Variants in RTN1 observed in about 807,000 individuals in gnomAD.
The protein encoded by RTN1 is reticulon-1.
A neutral mutation model predicts 65.5 loss-of-function variants in RTN1; 25 were observed. That is an observed-to-expected ratio of 0.38 (90% confidence interval 0.28 to 0.53). The LOEUF (loss-of-function observed/expected upper bound fraction) is 0.53. Among genes scored for constraint, RTN1 ranks in the 20% least tolerant of loss-of-function variants. RTN1 has a pLI of 0.79. For missense variants in RTN1, 983 were observed against 1,025.4 expected (o/e 0.96, Z 0.57); for synonymous variants, 471 against 447.6 (o/e 1.05, Z -0.66).
At chr14:59,726,733 G>T (rs1353830112) in intron 3 of RTN1, among the ~76,000 whole-genome samples, 186 bp downstream of exon 3, 2 of 152,088 alleles carry the variant, frequency 1.3e-5, no homozygotes, top group African/African-American at 4.8e-5. Flanking sequence ...TTCTGCCACC[G>T]ACTTCTGTCC....
rs182789157 is a variant in RTN1 at position 59,620,914 on chromosome 14, A to T, written c.1766-13422T>A. ...GGGGTTCAGGCTGGGAATGACGGACAGTCTAGATGGCTGGTGACTGATAGG... is the reference window on the plus strand; with the variant it reads ...GGGGTTCAGGCTGGGAATGACGGACTGTCTAGATGGCTGGTGACTGATAGG... On this transcript the variant is annotated intron_variant, in intron 3 of 8. Transcript: ENST00000267484. Among the ~76,000 whole-genome samples, 50 of 152,336 alleles carry T rather than the reference A, an allele frequency of 3.3e-4. No individual in the cohort carries two copies. In the East Asian group the frequency reaches 7.3e-3, roughly 22 times the overall value.
At chr14:59,859,320 G>A (rs1037156450) in intron 1 of RTN1, among the ~76,000 whole-genome samples, 1 of 152,150 alleles carries the variant, frequency 6.6e-6, no homozygotes, top group African/African-American at 2.4e-5. Flanking sequence ...TTTTATAAAA[G>A]GGAGTTTCCC....
At chr14:59,656,737 A>T (rs1239666276) in intron 3 of RTN1, among the ~76,000 whole-genome samples, 2 of 152,242 alleles carry the variant, frequency 1.3e-5, no homozygotes, top group African/African-American at 4.8e-5. Context: ...TGTCCTATAC[A>T]TCTCTCAGAA....
rs1317899581 is a variant in RTN1, at chr14:59,803,847, T to C, written c.242-57366A>G. Among the ~76,000 whole-genome samples, 2 of 152,184 alleles carry C rather than the reference T, an allele frequency of 1.3e-5. No homozygotes were observed. Among genetic ancestry groups the C allele is most frequent in the Non-Finnish European group, 1.5e-5 (1 of 68,026 alleles). On this transcript the variant is annotated intron_variant, in intron 1 of 8. Transcript: ENST00000267484. The surrounding 1 kb of genome is among the most constrained non-coding windows in gnomAD (Gnocchi z 5.6). Reference sequence around the variant, plus strand: ...TGAGGCCACAGTATCCTATACTTAATTGTCTAAATGTGATTTAGGGTTTTA... The same window carrying C: ...TGAGGCCACAGTATCCTATACTTAACTGTCTAAATGTGATTTAGGGTTTTA...
chr14:59,719,116 G>C (rs895414586), intron 3 of RTN1, among the ~76,000 whole-genome samples: 1 of 152,156 alleles, frequency 6.6e-6, no homozygotes, highest in African/African-American at 2.4e-5. Flanking sequence ...TCACTTTCTA[G>C]TTTAAAAATC....
rs1886617417 is a variant in RTN1, at chr14:59,805,316, C to T, written c.242-58835G>A. Among the ~76,000 whole-genome samples, 5 of 152,166 alleles carry T rather than the reference C, an allele frequency of 3.3e-5. No homozygotes were observed. In the South Asian group the frequency reaches 1.0e-3, roughly 31 times the overall value. On this transcript the variant is annotated intron_variant, in intron 1 of 8. Coordinates refer to ENST00000267484, the MANE Select transcript of RTN1 (RefSeq NM_021136.3). Reference sequence around the variant, plus strand: ...AGAATGTGAACTCCATAATAGGGACCTTTCCTTCTTCACTGCTCTACCATT... The same window carrying T: ...AGAATGTGAACTCCATAATAGGGACTTTTCCTTCTTCACTGCTCTACCATT...
At chr14:59,612,875 C>T (rs1414968950) in intron 3 of RTN1, among the ~76,000 whole-genome samples, 5 of 152,234 alleles carry the variant, frequency 3.3e-5, no homozygotes, top group African/African-American at 1.2e-4. Flanking sequence ...CTCTAGGCCC[C>T]TTCTGGGAAA....
At chr14:59,647,484 C>A (rs1383934022) in intron 3 of RTN1, among the ~76,000 whole-genome samples, 1 of 152,204 alleles carries the variant, frequency 6.6e-6, no homozygotes, top group Non-Finnish European at 1.5e-5. Flanking sequence ...CACCCCAAAA[C>A]AACAGACTAT....
At chr14:59,638,825 AG>A (rs1362231626) in intron 3 of RTN1, among the ~76,000 whole-genome samples, 2 of 152,340 alleles carry the variant, frequency 1.3e-5, no homozygotes, top group East Asian at 3.9e-4. Flanking sequence ...ATCAGCAATG[AG>A]GCTGTTTTGC....
chr14:59,746,593 A>G (rs1885232793), intron 1 of RTN1, 112 bp from the exon 2 acceptor site: 1 of 910,820 alleles, frequency 1.1e-6, no homozygotes, highest in Non-Finnish European at 1.6e-6. Flanking sequence ...CTTTCTCCTT[A>G]AGCCCTCGGA....
intron 3 of RTN1, among the ~76,000 whole-genome samples, chr14:59,690,123 C>T (rs1389081428): frequency 6.6e-6 from 1 of 151,928 alleles, no homozygotes; most frequent in Non-Finnish European, 1.5e-5. Flanking sequence ...CAGCCTTAAC[C>T]TAGAATGCAA....
At chr14:59,752,627 T>C (rs906340842) in intron 1 of RTN1, among the ~76,000 whole-genome samples, 31 of 152,130 alleles carry the variant, frequency 2.0e-4, no homozygotes, top group African/African-American at 7.0e-4. Context: ...ACATACAGCT[T>C]ATATATGTAC....
chr14:59,811,152 CT>C (rs1196192799), intron 1 of RTN1, among the ~76,000 whole-genome samples: 1 of 152,122 alleles, frequency 6.6e-6, no homozygotes, highest in African/African-American at 2.4e-5. Context: ...CATTGGTGAA[CT>C]TTTAGTATAT....
intron 1 of RTN1, among the ~76,000 whole-genome samples, chr14:59,856,383 C>T (rs893436070): frequency 2.6e-5 from 4 of 152,148 alleles, no homozygotes; most frequent in African/African-American, 7.2e-5. Flanking sequence ...AGCTAGCTTT[C>T]GCTGTGCTGC....
chr14:59,769,061 C>G (rs760774980), intron 1 of RTN1, among the ~76,000 whole-genome samples: 10 of 152,082 alleles, frequency 6.6e-5, no homozygotes, highest in African/African-American at 1.2e-4. Context: ...CTATAAGTAG[C>G]TGAAGAAGAA....
chr14:59,677,846 T>C (rs1276361006), intron 3 of RTN1, among the ~76,000 whole-genome samples: 4 of 152,128 alleles, frequency 2.6e-5, no homozygotes, highest in African/African-American at 9.7e-5. Flanking sequence ...ACTACCCCAG[T>C]CATGAAAGGC....
chr14:59,709,081 A>G (rs1196905029), intron 3 of RTN1, among the ~76,000 whole-genome samples: 1 of 152,144 alleles, frequency 6.6e-6, no homozygotes, highest in Non-Finnish European at 1.5e-5. Flanking sequence ...GATGTTAAGT[A>G]TTTGTTTTGT....
At chr14:59,630,487 G>A in intron 3 of RTN1, 1 of 1,613,922 alleles carries the variant, frequency 6.2e-7, no homozygotes, top group Non-Finnish European at 8.5e-7. Context: ...CATCTTGGTG[G>A]AATCGGCAGT....
At chr14:59,817,079 C>CT (rs201936687) in intron 1 of RTN1, among the ~76,000 whole-genome samples, 53 of 149,636 alleles carry the variant, frequency 3.5e-4, no homozygotes, top group Admixed American at 1.2e-3. Context: ...CTTAATGCAG[C>CT]TTTTTTTTTT....
Sources: gnomAD v4.1 joint callset for allele counts (sites outside exome capture counted in the v4.1 genomes callset) on GRCh38, gnomAD v4.1.1 for gene constraint, Gnocchi (gnomAD v3.1) non-coding constraint, MANE v1.5 for transcripts, NCBI Gene and HGNC (gene_info 2026-07-23, HGNC 2026-07-21) for gene names.